The following MLIP variants were observed in gnomAD, a reference collection of about 807,000 sequenced individuals.
The protein encoded by MLIP is muscular LMNA-interacting protein.
Under a neutral mutation model 84.8 loss-of-function variants are expected in MLIP, and 79 were observed. The observed-to-expected ratio is 0.93, with a 90% CI of 0.78 to 1.12. The LOEUF is 1.12. MLIP is among the 50% of genes most tolerant of loss of function. The pLI, the probability that MLIP is intolerant of heterozygous loss-of-function variation, is 0.00. For synonymous variants in MLIP, 504 were observed against 463.0 expected, an observed-to-expected ratio of 1.09 and a Z score of -1.14; for missense variants, 1,257 against 1,160.6, an observed-to-expected ratio of 1.08 and a Z score of -1.21.
intron 8 of MLIP, among the ~76,000 whole-genome samples, chr6:54,169,108 A>G (rs1038375450): frequency 6.6e-6 from 1 of 151,600 alleles, no homozygotes; most frequent in Non-Finnish European, 1.5e-5. Flanking sequence ...AATTTCTGAC[A>G]GTTTCTGTTT....
At chr6:54,155,309 G>A (rs76254002) in intron 5 of MLIP, among the ~76,000 whole-genome samples, 1,667 of 152,038 alleles carry the variant, frequency 0.011, 34 homozygotes, top group African/African-American at 0.035. Context: ...CCTACACATG[G>A]TTTTATATTA....
At chr6:54,253,141 A>G (rs1421931640) in intron 12 of MLIP, among the ~76,000 whole-genome samples, 2 of 152,120 alleles carry the variant, frequency 1.3e-5, no homozygotes, top group Non-Finnish European at 1.5e-5. Context: ...ATGACTTCCA[A>G]TGGCATCTAG....
intron 11 of MLIP, among the ~76,000 whole-genome samples, chr6:54,206,845 C>T (rs373345222): frequency 1.5e-4 from 23 of 152,290 alleles, no homozygotes; most frequent in African/African-American, 5.5e-4. Context: ...GACAATACTG[C>T]CTTTTACTCT....
In MLIP at chr6:54,102,828, G is replaced by A. The variant is rs117529836; in HGVS notation, c.64-18619G>A. Among the ~76,000 whole-genome samples, 152 of 152,250 alleles carry A rather than the reference G, an allele frequency of 1.0e-3. 1 individual carries two copies. In the East Asian group the frequency reaches 0.012, roughly 12 times the overall value. ...GTGGCATTTATGTTCCAACTGGGGA[G>A]CCAGACACTAAATAATTCACTGTAT... On this transcript the variant is annotated intron_variant, in intron 1 of 12. Transcript: ENST00000274897.
At chr6:54,047,201 A>G (rs1382320828) in intron 1 of MLIP, 1 of 152,218 alleles carries the variant, frequency 6.6e-6, no homozygotes, top group African/African-American at 2.4e-5. Flanking sequence ...AATGGAAAAA[A>G]GATGGGTGTT....
At position 54,136,954 on chromosome 6, in the gene MLIP, G is replaced by T. The variant is rs2150482911; in HGVS notation, c.885G>T (p.Ser295=). Residue 295 remains serine, a synonymous_variant, in exon 4 of 14, where the codon TCG becomes TCT. Transcript: ENST00000502396. ...TPFSASKGTS[S]TLLFPHSTQL... is the part of the protein sequence containing the mutation. ...TTTCTGCATCGAAGGGCACCTCCTC[G>T]ACGTTACTGTTTCCCCATTCCACTC... The T allele has an allele frequency of 2.0e-6, 3 of 1,536,028 alleles. No individual in the cohort carries two copies. The South Asian group carries it at 3.6e-5, about 18-fold the overall frequency.
intron 12 of MLIP, among the ~76,000 whole-genome samples, chr6:54,254,060 C>T (rs1214818148): frequency 6.7e-6 from 1 of 150,032 alleles, no homozygotes; most frequent in Non-Finnish European, 1.5e-5. Flanking sequence ...ATGACTCTCT[C>T]TGTCCTGTAA....
chr6:54,159,630 C>T (rs1191188428), intron 5 of MLIP, among the ~76,000 whole-genome samples: 1 of 151,942 alleles, frequency 6.6e-6, no homozygotes, highest in Non-Finnish European at 1.5e-5. Flanking sequence ...CAGCAACAAC[C>T]CAGCAGACGT....
At chr6:54,249,332 T>C (rs949688808) in intron 12 of MLIP, among the ~76,000 whole-genome samples, 1 of 152,036 alleles carries the variant, frequency 6.6e-6, no homozygotes, top group African/African-American at 2.4e-5. Context: ...CCTTTGGGCA[T>C]TACCACAAAT....
At chr6:54,070,247 T>C (rs1045358789) in intron 1 of MLIP, among the ~76,000 whole-genome samples, 12 of 152,198 alleles carry the variant, frequency 7.9e-5, no homozygotes, top group African/African-American at 2.9e-4. Context: ...GTTATTCTCC[T>C]TCAATTTTCA....
At chr6:54,196,614 T>A (rs1778316442) in intron 10 of MLIP, among the ~76,000 whole-genome samples, 1 of 152,108 alleles carries the variant, frequency 6.6e-6, no homozygotes, top group Non-Finnish European at 1.5e-5. Context: ...ATTCCATGTC[T>A]TTGCATTGAA....
chr6:54,117,095 T>C (rs938385364), intron 1 of MLIP, among the ~76,000 whole-genome samples: 4 of 151,994 alleles, frequency 2.6e-5, no homozygotes, highest in Non-Finnish European at 5.9e-5. Flanking sequence ...AGAATGTACC[T>C]CAACATGATA....
At chr6:54,134,895 C>T (rs2150476807) in intron 3 of MLIP, among the ~76,000 whole-genome samples, 1 of 152,092 alleles carries the variant, frequency 6.6e-6, no homozygotes, top group South Asian at 2.1e-4. Flanking sequence ...CATGCAAAGA[C>T]ACACTACACA....
At chr6:54,054,525 T>C (rs542659414) in intron 1 of MLIP, among the ~76,000 whole-genome samples, 1 of 151,442 alleles carries the variant, frequency 6.6e-6, no homozygotes, top group Non-Finnish European at 1.5e-5. Context: ...AGCAGAAACA[T>C]ACATTTTTGC....
rs867858186 is a variant in MLIP at position 54,193,272 on chromosome 6, A to G, written c.2589+3358A>G. Among the ~76,000 whole-genome samples the G allele has an allele frequency of 4.3e-4, 66 of 152,068 alleles. 1 individual carries two copies. Among genetic ancestry groups the G allele is most frequent in the African/African-American group, 1.4e-3 (58 of 41,528 alleles). On this transcript the variant is annotated intron_variant, in intron 10 of 13. Transcript: ENST00000502396. ...ATGAAAATATTGGAAATTCCCACCT[A>G]TTCACTGGAGATTGGAATAACGACT...
intron 11 of MLIP, chr6:54,216,190 G>T (rs1020378309): frequency 9.1e-6 from 9 of 985,210 alleles, no homozygotes; most frequent in Non-Finnish European, 1.1e-5. Flanking sequence ...ATTTCCTTTA[G>T]AATCACTTCA....
chr6:54,061,211 T>C (rs889644139), intron 1 of MLIP, among the ~76,000 whole-genome samples: 1 of 152,114 alleles, frequency 6.6e-6, no homozygotes, highest in Non-Finnish European at 1.5e-5. Context: ...ATCATATTAG[T>C]AGAAACACAA....
At chr6:54,079,177 C>T (rs1766985102) in intron 1 of MLIP, among the ~76,000 whole-genome samples, 2 of 152,130 alleles carry the variant, frequency 1.3e-5, no homozygotes, top group Non-Finnish European at 2.9e-5. Flanking sequence ...GGAGTTTTCA[C>T]TAGATACTAT....
chr6:54,215,125 C>G, intron 11 of MLIP: 1 of 1,529,196 alleles, frequency 6.5e-7, no homozygotes, highest in Non-Finnish European at 8.8e-7. Flanking sequence ...TAAAAGCTGT[C>G]CACTTTACAC....
Sources: gnomAD v4.1 joint callset for allele counts (sites outside exome capture counted in the v4.1 genomes callset) on GRCh38, gnomAD v4.1.1 for gene constraint, MANE v1.5 for transcripts, NCBI Gene and HGNC (gene_info 2026-07-23, HGNC 2026-07-21) for gene names.